Variants in HDAC9 observed in about 807,000 individuals in gnomAD.
The protein encoded by HDAC9 is MEF-2 interacting transcription repressor (MITR) protein.
Under a neutral mutation model 139.4 loss-of-function variants are expected in HDAC9, and 41 were observed. That is an observed-to-expected ratio of 0.29 (90% CI 0.23 to 0.38). The LOEUF (loss-of-function observed/expected upper bound fraction) is 0.38, where lower values mean the gene tolerates loss of function less well. HDAC9 is among the 10% of genes least tolerant of loss of function. The pLI, the probability that HDAC9 is intolerant of heterozygous loss-of-function variation, is 1.00. For missense variants in HDAC9, 1,147 were observed against 1,297.0 expected, an observed-to-expected ratio of 0.88 and a Z score of 1.78; for synonymous variants, 517 against 476.2, an observed-to-expected ratio of 1.09 and a Z score of -1.12.
chr7:18,676,102 G>T (rs912671242), intron 12 of HDAC9, among the ~76,000 whole-genome samples: 2 of 151,932 alleles, frequency 1.3e-5, no homozygotes, highest in African/African-American at 4.8e-5. Context: ...CCTATTATCA[G>T]CACCAAAACC....
chr7:18,978,974 C>A (rs1400362219), intron 25 of HDAC9, among the ~76,000 whole-genome samples: 2 of 151,956 alleles, frequency 1.3e-5, no homozygotes, highest in African/African-American at 4.8e-5. Context: ...ACACAAAAAC[C>A]AAACAAACTT....
chr7:18,247,823 T>A (rs1475471057), intron 2 of HDAC9, among the ~76,000 whole-genome samples: 2 of 152,138 alleles, frequency 1.3e-5, no homozygotes, highest in African/African-American at 4.8e-5. Context: ...AAGAAACAGA[T>A]CTGAGAGAAG....
intron 13 of HDAC9, among the ~76,000 whole-genome samples, chr7:18,738,011 T>C (rs1584947601): frequency 2.0e-5 from 3 of 152,350 alleles, no homozygotes; most frequent in Non-Finnish European, 4.4e-5. Context: ...TACCATTATG[T>C]AATGGTGTTC....
chr7:18,407,253 A>T (rs928758138), intron 1 of HDAC9, among the ~76,000 whole-genome samples: 63 of 152,088 alleles, frequency 4.1e-4, no homozygotes, highest in Admixed American at 4.1e-3. Context: ...TATCTAGAAA[A>T]ACTCCTGAAT....
intron 16 of HDAC9, among the ~76,000 whole-genome samples, chr7:18,770,573 G>A (rs1376249665): frequency 6.6e-6 from 1 of 152,084 alleles, no homozygotes; most frequent in Admixed American, 6.6e-5. Context: ...GGACGAGCAG[G>A]CTTTTATGAT....
At chr7:18,926,413 T>C (rs1804232923) in intron 22 of HDAC9, among the ~76,000 whole-genome samples, 1 of 152,182 alleles carries the variant, frequency 6.6e-6, no homozygotes, top group African/African-American at 2.4e-5. Flanking sequence ...TGTGTATCCA[T>C]TTTGCAGTTG....
intron 13 of HDAC9, among the ~76,000 whole-genome samples, chr7:18,730,040 C>G (rs1467443556): frequency 6.6e-6 from 1 of 152,162 alleles, no homozygotes; most frequent in Non-Finnish European, 1.5e-5. Flanking sequence ...CTCATTTGAA[C>G]TTACAAGAAT....
chr7:18,189,432 G>T (rs1251337330), intron 2 of HDAC9, among the ~76,000 whole-genome samples: 1 of 152,006 alleles, frequency 6.6e-6, no homozygotes, highest in Non-Finnish European at 1.5e-5. Context: ...TGACAAACCT[G>T]CACATTCTGT....
At chr7:18,578,690 C>G (rs918643939) in intron 2 of HDAC9, among the ~76,000 whole-genome samples, 2 of 152,220 alleles carry the variant, frequency 1.3e-5, no homozygotes, top group African/African-American at 4.8e-5. Flanking sequence ...AGGTATTTCT[C>G]ATTGCAGTCC....
At chr7:18,958,789 G>C (rs537321736) in intron 24 of HDAC9, among the ~76,000 whole-genome samples, 1 of 152,290 alleles carries the variant, frequency 6.6e-6, no homozygotes, top group South Asian at 2.1e-4. Context: ...CACTCATGCA[G>C]AATGAGGGAT....
upstream of HDAC9, chr7:18,290,380 A>AC: frequency 2.3e-6 from 1 of 441,752 alleles, no homozygotes; most frequent in South Asian, 1.6e-5. Context: ...GACTGATAAA[A>AC]TTAGCAAGTT....
At chr7:18,137,973 C>T (rs1289153112) in intron 1 of HDAC9, among the ~76,000 whole-genome samples, 1 of 151,902 alleles carries the variant, frequency 6.6e-6, no homozygotes, top group African/African-American at 2.4e-5. Flanking sequence ...ATTATTGCCA[C>T]AATTTCAGAT....
chr7:18,523,605 A>T (rs1440840300), intron 2 of HDAC9, among the ~76,000 whole-genome samples: 1 of 152,212 alleles, frequency 6.6e-6, no homozygotes, highest in Non-Finnish European at 1.5e-5. Flanking sequence ...TGTGAAATCT[A>T]CACTGTTTGC....
At chr7:18,423,178 A>G (rs371783374) in intron 1 of HDAC9, among the ~76,000 whole-genome samples, 1 of 152,210 alleles carries the variant, frequency 6.6e-6, no homozygotes, top group East Asian at 1.9e-4. Flanking sequence ...TTATTTCAAA[A>G]AGTACATTGA....
At chr7:18,592,389 G>C (rs1404938209) in intron 5 of HDAC9, among the ~76,000 whole-genome samples, 1 of 152,044 alleles carries the variant, frequency 6.6e-6, no homozygotes, top group Non-Finnish European at 1.5e-5. Flanking sequence ...AAAATATAGA[G>C]GATGTGGTGA....
In HDAC9 at chr7:18,882,974, A is replaced by G. The variant is rs1478122875; in HGVS notation, c.2803+8378A>G. Among the ~76,000 whole-genome samples, 58 of 152,182 alleles carry G rather than the reference A, an allele frequency of 3.8e-4. 1 individual carries two copies. The highest frequency in any genetic ancestry group is 3.8e-3 in the Admixed American group (58 of 15,256). On this transcript the variant is annotated intron_variant, in intron 22 of 25. Coordinates refer to ENST00000686413, the MANE Select transcript of HDAC9 (RefSeq NM_178425.4). ...AATTAAAAGCCAGTTTAGCAAAATA[A>G]GTGCCTGCATTTCACATTTCTATAT...
chr7:18,470,503 T>C (rs1794640459), intron 1 of HDAC9, among the ~76,000 whole-genome samples: 1 of 152,184 alleles, frequency 6.6e-6, no homozygotes, highest in Admixed American at 6.5e-5. Context: ...GGTAAAAGAA[T>C]CTTTCACTAC....
intron 17 of HDAC9, among the ~76,000 whole-genome samples, chr7:18,810,156 CAG>C (rs997498216): frequency 2.0e-5 from 3 of 151,624 alleles, no homozygotes; most frequent in African/African-American, 7.3e-5. Flanking sequence ...CTCATAGAAA[CAG>C]GGGGTTGCCA....
At chr7:18,439,785 C>A (rs892896469) in intron 1 of HDAC9, among the ~76,000 whole-genome samples, 1 of 152,160 alleles carries the variant, frequency 6.6e-6, no homozygotes, top group African/African-American at 2.4e-5. Context: ...GCTCTTCATA[C>A]ATACACACAC....
Sources: allele counts gnomAD v4.1 joint callset (sites outside exome capture counted in the v4.1 genomes callset), GRCh38; gene constraint gnomAD v4.1.1; transcripts MANE v1.5; gene names NCBI Gene and HGNC (gene_info 2026-07-23, HGNC 2026-07-21).